Variants in LRP1B observed in about 807,000 individuals in gnomAD.
The protein encoded by LRP1B is low-density lipoprotein receptor-related protein 1B.
LRP1B carries 217 observed loss-of-function variants against 556.6 expected under a neutral mutation model. The observed-to-expected ratio is 0.39, with a 90% CI of 0.35 to 0.44. The LOEUF (loss-of-function observed/expected upper bound fraction) is 0.44. Ranked by LOEUF, LRP1B falls within the 20% of genes least tolerant of loss-of-function variation. The pLI, the probability that LRP1B is intolerant of heterozygous loss-of-function variation, is 1.00. For missense variants in LRP1B, 5,053 were observed against 5,620.8 expected (o/e 0.90, Z 3.23); for synonymous variants, 2,047 against 1,865.8 (o/e 1.10, Z -2.50).
At chr2:141,085,364 T>C (rs1414590734) in intron 7 of LRP1B, among the ~76,000 whole-genome samples, 1 of 152,156 alleles carries the variant, frequency 6.6e-6, no homozygotes, top group Non-Finnish European at 1.5e-5. Context: ...CCTCAGAATG[T>C]GACTGTATTT....
rs780323925 is a variant in LRP1B at position 140,776,228 on chromosome 2, C to T, written c.5370G>A (p.Leu1790=). 1.3e-6 allele frequency: 2 copies of T among 1,588,888 alleles called. No individual in the cohort carries two copies. Among genetic ancestry groups the T allele is most frequent in the Admixed American group, 1.8e-5 (1 of 56,032 alleles). The change falls in exon 33 of 91, where the codon CTG becomes CTA. Residue 1790 remains leucine, a synonymous_variant. Coordinates refer to ENST00000389484, the MANE Select transcript of LRP1B (RefSeq NM_018557.3). ...GGGCTAAGTTTTGGTCTGCCCACCA[C>T]AGTTTCTTATCTAGAAAAAGGAAAG... ...ATALTIMDKK[L]WWADQNLAQL...
At chr2:141,890,467 T>C (rs954786592) in intron 1 of LRP1B, among the ~76,000 whole-genome samples, 2 of 150,576 alleles carry the variant, frequency 1.3e-5, no homozygotes, top group Non-Finnish European at 3.0e-5. Context: ...AAATGTCCTA[T>C]TGAATAATCA....
chr2:141,394,186 AAAT>A (rs1229013734), intron 3 of LRP1B, among the ~76,000 whole-genome samples: 1 of 152,154 alleles, frequency 6.6e-6, no homozygotes, highest in African/African-American at 2.4e-5. Flanking sequence ...GCATAATAAG[AAAT>A]CATCTCATAT....
At chr2:142,097,326 C>G (rs903801704) in intron 1 of LRP1B, among the ~76,000 whole-genome samples, 1 of 151,486 alleles carries the variant, frequency 6.6e-6, no homozygotes, top group Non-Finnish European at 1.5e-5. Flanking sequence ...TAGTCAAATG[C>G]TCTTGACCTA....
At position 140,902,956 on chromosome 2, in the gene LRP1B, T is replaced by A. The variant is rs2105222576; in HGVS notation, c.3730A>T (p.Lys1244Ter). 6.2e-7 allele frequency: 1 copy of A among 1,613,670 alleles called. No homozygotes were observed. The highest frequency in any genetic ancestry group is 8.5e-7 in the Non-Finnish European group (1 of 1,179,704). Residue 1244 changes from lysine (K) to a stop codon, truncating the protein, a stop_gained, in exon 23 of 91, where the codon AAG becomes TAG. Coordinates refer to ENST00000389484, the MANE Select transcript of LRP1B (RefSeq NM_018557.3). LOFTEE classifies it high-confidence loss of function. ...CAACTTTCACCGTCTACATCCAGCTTCCAACCTTCATAACATGAGCACTTG... is the reference window on the plus strand; with the variant it reads ...CAACTTTCACCGTCTACATCCAGCTACCAACCTTCATAACATGAGCACTTG... ...TVKCSCYEGW[K>*]LDVDGESCTS...
chr2:141,647,122 G>T (rs1398786905), intron 2 of LRP1B, among the ~76,000 whole-genome samples: 1 of 152,144 alleles, frequency 6.6e-6, no homozygotes, highest in Non-Finnish European at 1.5e-5. Context: ...GGGAATATGA[G>T]AAAATTACTG....
chr2:141,180,546 T>C (rs1680944526), intron 7 of LRP1B, among the ~76,000 whole-genome samples: 1 of 151,938 alleles, frequency 6.6e-6, no homozygotes, highest in South Asian at 2.1e-4. Flanking sequence ...GAAATGTTCA[T>C]ATAGCTTCCA....
At position 140,535,481 on chromosome 2, in the gene LRP1B, T is replaced by C. The variant is rs576750456; in HGVS notation, c.7642+1100A>G. ...CTTGTAACGTAAAAGAGTGAGAAGA[T>C]GTCTGTGGATCTCACAGATTCTGTC... On this transcript the variant is annotated intron_variant, in intron 46 of 90. Coordinates refer to ENST00000389484, the MANE Select transcript of LRP1B (RefSeq NM_018557.3). Among the ~76,000 whole-genome samples, 20 of 152,244 alleles carry C rather than the reference T, an allele frequency of 1.3e-4. No homozygotes were observed. The South Asian group carries it at 2.1e-3, about 16-fold the overall frequency.
intron 20 of LRP1B, among the ~76,000 whole-genome samples, chr2:140,944,120 T>C (rs183933709): frequency 3.2e-4 from 48 of 151,882 alleles, no homozygotes; most frequent in Admixed American, 1.6e-3. Context: ...TGCAAAAGAC[T>C]CTCAGGGACT....
intron 84 of LRP1B, among the ~76,000 whole-genome samples, chr2:140,285,860 G>A (rs1683126495): frequency 6.6e-6 from 1 of 151,394 alleles, no homozygotes; most frequent in South Asian, 2.1e-4. Flanking sequence ...CTTTCATTGT[G>A]TATAGTGTAC....
intron 3 of LRP1B, among the ~76,000 whole-genome samples, chr2:141,419,761 C>A (rs193111968): frequency 2.1e-4 from 32 of 152,100 alleles, no homozygotes; most frequent in Admixed American, 1.6e-3. Context: ...TTTATTTCTG[C>A]TCTAATCTTC....
At chr2:141,490,369 TCGTGTGTG>T (rs1268052545) in intron 2 of LRP1B, among the ~76,000 whole-genome samples, 2 of 108,566 alleles carry the variant, frequency 1.8e-5, no homozygotes, top group Non-Finnish European at 3.7e-5. Flanking sequence ...TAAAATAGCC[TCGTGTGTG>T]TGTGTGTGTG....
rs1222246660 is a variant in LRP1B, at chr2:141,968,461, A to T, written c.83-158060T>A. The stretch of plus-strand genomic sequence containing the variant: ...TGCTTGCAATCCCCAACCCTGGCTA[A>T]CTTGGCTTTCTAGAGCCCATAGGCC... On this transcript the variant is annotated intron_variant, in intron 1 of 90. Coordinates refer to ENST00000389484, the MANE Select transcript of LRP1B (RefSeq NM_018557.3). Among the ~76,000 whole-genome samples, 13 of 151,782 alleles carry T rather than the reference A, an allele frequency of 8.6e-5. No individual in the cohort carries two copies. In the East Asian group the frequency reaches 1.4e-3, roughly 16 times the overall value.
Position 141,412,652 on chromosome 2 carries a change from T to C in LRP1B, c.343+67744A>G, listed in dbSNP as rs146571583. ...TAAGTACACTTTTTATAACGTACAA[T>C]GCAACATATTTCCAAAAACATTTTA... On this transcript the variant is annotated intron_variant, in intron 3 of 90. Transcript: ENST00000389484. 3.6e-3 allele frequency among the ~76,000 whole-genome samples: 547 copies of C among 152,316 alleles called. 3 individuals carry two copies. The highest frequency in any genetic ancestry group is 0.011 in the African/African-American group (478 of 41,588).
intron 7 of LRP1B, among the ~76,000 whole-genome samples, chr2:141,151,588 T>A (rs1358170185): frequency 1.3e-5 from 2 of 152,180 alleles, no homozygotes; most frequent in Non-Finnish European, 2.9e-5. Flanking sequence ...AGCTATACAT[T>A]GCCCAGTTCA....
chr2:141,115,655 G>T (rs1700877820), intron 7 of LRP1B, among the ~76,000 whole-genome samples: 1 of 124,542 alleles, frequency 8.0e-6, no homozygotes, highest in African/African-American at 2.7e-5. Flanking sequence ...GTGTGTGTGT[G>T]TGTTTTTTAG....
At chr2:141,725,788 G>T (rs1386721187) in intron 2 of LRP1B, among the ~76,000 whole-genome samples, 1 of 151,486 alleles carries the variant, frequency 6.6e-6, no homozygotes, top group African/African-American at 2.4e-5. Context: ...TTGCATCAGT[G>T]TACCTGGTTC....
intron 3 of LRP1B, among the ~76,000 whole-genome samples, chr2:141,407,078 T>G (rs1344321379): frequency 1.3e-5 from 2 of 152,194 alleles, no homozygotes; most frequent in East Asian, 3.9e-4. Flanking sequence ...TGAGGTGAGA[T>G]TTTCTGCTCT....
intron 3 of LRP1B, among the ~76,000 whole-genome samples, chr2:141,311,439 T>C (rs932660533): frequency 1.3e-5 from 2 of 152,184 alleles, no homozygotes; most frequent in African/African-American, 4.8e-5. Context: ...ATTTTATTAG[T>C]GAGCTGGGTT....
Sources: allele counts gnomAD v4.1 joint callset (sites outside exome capture counted in the v4.1 genomes callset), GRCh38; gene constraint gnomAD v4.1.1; transcripts MANE v1.5; gene names NCBI Gene and HGNC (gene_info 2026-07-23, HGNC 2026-07-21).